Variants in WIPF3 observed in about 807,000 individuals in gnomAD.
The protein encoded by WIPF3 is WAS/WASL-interacting protein family member 3.
In WIPF3, 33 loss-of-function variants were observed where a neutral mutation model predicts 38.9. The observed-to-expected ratio is 0.85, with a 90% CI of 0.64 to 1.14. The LOEUF (loss-of-function observed/expected upper bound fraction) is 1.14. Among genes scored for constraint, WIPF3 ranks in the 50% most tolerant of loss-of-function variants. WIPF3 has a pLI of 0.00. For synonymous variants in WIPF3, 324 were observed against 269.3 expected, an observed-to-expected ratio of 1.20 and a Z score of -1.99; for missense variants, 711 against 652.5, an observed-to-expected ratio of 1.09 and a Z score of -0.98.
intron 2 of WIPF3, among the ~76,000 whole-genome samples, chr7:29,864,228 T>C (rs1396879280): frequency 3.3e-5 from 5 of 152,232 alleles, no homozygotes; most frequent in Non-Finnish European, 7.3e-5. Flanking sequence ...GTTTTTATCA[T>C]GAATGGATGT....
chr7:29,846,750 C>T (rs1319795409), intron 2 of WIPF3, among the ~76,000 whole-genome samples: 1 of 152,210 alleles, frequency 6.6e-6, no homozygotes, highest in African/African-American at 2.4e-5. Flanking sequence ...CAGGTTTAAA[C>T]ACGTTTGTGT....
At chr7:29,831,203 G>A (rs1784714426) in intron 1 of WIPF3, among the ~76,000 whole-genome samples, 2 of 152,326 alleles carry the variant, frequency 1.3e-5, no homozygotes, top group African/African-American at 4.8e-5. Context: ...GCGCTGCCTA[G>A]TATTCTTAAG....
At chr7:29,897,120 C>T (rs900886715) in intron 7 of WIPF3, among the ~76,000 whole-genome samples, 1 of 152,044 alleles carries the variant, frequency 6.6e-6, no homozygotes, top group African/African-American at 2.4e-5. Context: ...TTTTACTTAG[C>T]TTATGTCCTC....
rs1047980530 is a variant in WIPF3, at chr7:29,878,274, G to C, written c.224-735G>C. On this transcript the variant is annotated intron_variant, in intron 3 of 8. Transcript: ENST00000242140. The surrounding 1 kb of genome is among the most constrained non-coding windows in gnomAD (Gnocchi z 4.0). ...CCACTTTCATCCACCAGTGGGCACT[G>C]TGCCCTAATTTCTCTGTGCATATTA... is the stretch of plus-strand genomic sequence containing the variant. 3.9e-5 allele frequency among the ~76,000 whole-genome samples: 6 copies of C among 152,290 alleles called. No homozygotes were observed. The highest frequency in any genetic ancestry group is 4.1e-4 in the South Asian group (2 of 4,830).
At chr7:29,846,185 C>T (rs145317624) in intron 2 of WIPF3, among the ~76,000 whole-genome samples, 3 of 152,144 alleles carry the variant, frequency 2.0e-5, no homozygotes, top group African/African-American at 7.2e-5. Context: ...TTTGGCACAG[C>T]CTTTCTCATT....
chr7:29,887,916 T>C (rs943882561), intron 5 of WIPF3, among the ~76,000 whole-genome samples, 152 bp from the exon 6 acceptor site: 5 of 152,124 alleles, frequency 3.3e-5, no homozygotes, highest in Non-Finnish European at 7.4e-5. Context: ...AGAACTGCAA[T>C]TCAGTGCCAA....
At chr7:29,906,225 G>A (rs1786394091) in intron 8 of WIPF3, 1 of 152,246 alleles carries the variant, frequency 6.6e-6, no homozygotes, top group Admixed American at 6.5e-5. Flanking sequence ...AAAAAGACCT[G>A]ATGGGAGATC....
At chr7:29,911,596 CAATAAATAAATAGAATAAAAAGA>C (rs1357347891) in intron 8 of WIPF3, among the ~76,000 whole-genome samples, 1 of 151,974 alleles carries the variant, frequency 6.6e-6, no homozygotes, top group Non-Finnish European at 1.5e-5. Flanking sequence ...GAATAAAAAG[CAATAAATAAATAGAATAAAAAGA>C]AATAAACCCT....
chr7:29,822,886 A>T (rs906438095), intron 1 of WIPF3, among the ~76,000 whole-genome samples: 3 of 152,198 alleles, frequency 2.0e-5, no homozygotes, highest in African/African-American at 7.2e-5. Flanking sequence ...TTGAAAAGTG[A>T]GTTTTTTAAT....
chr7:29,827,330 T>G (rs1482115638), intron 1 of WIPF3, among the ~76,000 whole-genome samples: 7 of 152,174 alleles, frequency 4.6e-5, no homozygotes, highest in Non-Finnish European at 1.0e-4. Flanking sequence ...AACAGAGAAT[T>G]TGCTCATTAA....
chr7:29,911,155 T>C (rs2128082038), intron 8 of WIPF3, among the ~76,000 whole-genome samples: 1 of 152,174 alleles, frequency 6.6e-6, no homozygotes, highest in South Asian at 2.1e-4. Flanking sequence ...CAGAAACAAT[T>C]CCATTTATGA....
At chr7:29,818,760 G>C (rs1784495161) in intron 1 of WIPF3, among the ~76,000 whole-genome samples, 1 of 151,976 alleles carries the variant, frequency 6.6e-6, no homozygotes, top group South Asian at 2.1e-4. Context: ...GACAATAGTG[G>C]ACATGCTTGT....
intron 8 of WIPF3, among the ~76,000 whole-genome samples, chr7:29,913,338 T>TC (rs368258762): frequency 0.14 from 18,701 of 133,190 alleles, 1,361 homozygotes; most frequent in Middle Eastern, 0.18. Flanking sequence ...AGAGTGAAAC[T>TC]CCGTCTCAAA....
chr7:29,869,757 C>A (rs986068921), intron 2 of WIPF3, among the ~76,000 whole-genome samples: 1 of 152,120 alleles, frequency 6.6e-6, no homozygotes, highest in Non-Finnish European at 1.5e-5. Context: ...ATACTGGAAT[C>A]GAAATTCTCA....
At chr7:29,865,668 C>T (rs1270460640) in intron 2 of WIPF3, among the ~76,000 whole-genome samples, 1 of 152,054 alleles carries the variant, frequency 6.6e-6, no homozygotes, top group Non-Finnish European at 1.5e-5. Context: ...GTCTGGTGAC[C>T]TAGGGGCCCA....
At chr7:29,883,571 A>G (rs1324062321) in intron 4 of WIPF3, among the ~76,000 whole-genome samples, 4 of 152,118 alleles carry the variant, frequency 2.6e-5, no homozygotes, top group Non-Finnish European at 5.9e-5. Flanking sequence ...CTGGGATACT[A>G]GAGGCCCAAG....
rs575804646 is a variant in WIPF3, at chr7:29,896,299, G to A, written c.1351+6892G>A. ...AACAGTGAGATCCTCTCTAGCCTGC[G>A]CAACAGTGAGATCCTCTCTCTGAAA... On this transcript the variant is annotated intron_variant, in intron 7 of 8. Transcript: ENST00000242140. Among the ~76,000 whole-genome samples the A allele has an allele frequency of 1.7e-4, 3 of 17,444 alleles. No homozygotes were observed. In the South Asian group the frequency reaches 0.016, roughly 91 times the overall value. The allele number at this position is 17,444 out of a possible 152,430, so 11.4% of individuals were successfully genotyped here.
At chr7:29,811,727 A>G (rs1280526638) in intron 1 of WIPF3, among the ~76,000 whole-genome samples, 1 of 152,194 alleles carries the variant, frequency 6.6e-6, no homozygotes, top group Non-Finnish European at 1.5e-5. Flanking sequence ...GCTGTGGTAG[A>G]AGGCAAAAGT....
intron 2 of WIPF3, among the ~76,000 whole-genome samples, chr7:29,853,186 AG>A (rs1415324639): frequency 1.3e-5 from 2 of 152,168 alleles, no homozygotes; most frequent in African/African-American, 2.4e-5. Context: ...GACTGTGTGG[AG>A]CCTGCCTCAA....
Sources: gnomAD v4.1 joint callset for allele counts (sites outside exome capture counted in the v4.1 genomes callset) on GRCh38, gnomAD v4.1.1 for gene constraint, Gnocchi (gnomAD v3.1) non-coding constraint, MANE v1.5 for transcripts, NCBI Gene and HGNC (gene_info 2026-07-23, HGNC 2026-07-21) for gene names.